CELF4: variants seen among roughly 807,000 people sequenced by gnomAD.
CELF4 encodes CUGBP Elav-like family member 4, also known as CUG-BP- and ETR-3-like factor 4.
Under a neutral mutation model 59.9 loss-of-function variants are expected in CELF4, and 18 were observed. The observed-to-expected ratio is 0.30, with a 90% CI of 0.21 to 0.45. The LOEUF (loss-of-function observed/expected upper bound fraction) is 0.45. Ranked by LOEUF, CELF4 falls within the 20% of genes least tolerant of loss-of-function variation. The probability of loss-of-function intolerance (pLI) is 1.00; values close to 1 mark genes in which losing one functional copy is unlikely to be tolerated. For missense variants in CELF4, 456 were observed against 689.0 expected, an observed-to-expected ratio of 0.66 and a Z score of 3.79; for synonymous variants, 261 against 267.1, an observed-to-expected ratio of 0.98 and a Z score of 0.22.
chr18:37,443,670 G>A (rs901240855), intron 2 of CELF4, among the ~76,000 whole-genome samples: 3 of 152,068 alleles, frequency 2.0e-5, no homozygotes, highest in Non-Finnish European at 4.4e-5. Flanking sequence ...ATCTTCATTG[G>A]TATGAAAGGG....
At chr18:37,458,990 C>T (rs1412582368) in intron 2 of CELF4, among the ~76,000 whole-genome samples, 1 of 152,222 alleles carries the variant, frequency 6.6e-6, no homozygotes, top group African/African-American at 2.4e-5. Flanking sequence ...GAGAGCTTGG[C>T]TCTGCTTGCA....
intron 3 of CELF4, among the ~76,000 whole-genome samples, chr18:37,309,039 A>G (rs2154483260): frequency 6.6e-6 from 1 of 152,164 alleles, no homozygotes; most frequent in African/African-American, 2.4e-5. Flanking sequence ...CCAGCCTCAG[A>G]CCCTCTCTGA....
At chr18:37,318,353 C>A (rs1267285922) in intron 3 of CELF4, among the ~76,000 whole-genome samples, 1 of 151,978 alleles carries the variant, frequency 6.6e-6, no homozygotes, top group Non-Finnish European at 1.5e-5. Context: ...TCTCCTCCTG[C>A]CCGCTGCCGT....
intron 2 of CELF4, among the ~76,000 whole-genome samples, chr18:37,453,906 C>T (rs960566787): frequency 6.6e-6 from 1 of 152,112 alleles, no homozygotes; most frequent in Non-Finnish European, 1.5e-5. Context: ...CCACAGGCAG[C>T]AGCTGGTTTT....
chr18:37,399,438 C>T lies in CELF4; in HGVS notation c.370-77557G>A, dbSNP rs572313350. On this transcript the variant is annotated intron_variant, in intron 2 of 12. Transcript: ENST00000420428. Reference sequence around the variant, plus strand: ...GCTCCATGCCCTTGGACTTCTCAGCCTCTCCACTGTAAGCCAAATAAGGCT... The same window carrying T: ...GCTCCATGCCCTTGGACTTCTCAGCTTCTCCACTGTAAGCCAAATAAGGCT... Among the ~76,000 whole-genome samples, 29 of 152,290 alleles carry T rather than the reference C, an allele frequency of 1.9e-4. No individual in the cohort carries two copies. In the South Asian group the frequency reaches 5.8e-3, roughly 31 times the overall value.
intron 7 of CELF4, among the ~76,000 whole-genome samples, chr18:37,271,231 C>T (rs1268450890): frequency 1.3e-5 from 2 of 151,658 alleles, no homozygotes; most frequent in African/African-American, 4.8e-5. Flanking sequence ...TTGACTGTAA[C>T]CACACTTGGT....
At chr18:37,526,773 C>G (rs34362479) in intron 1 of CELF4, among the ~76,000 whole-genome samples, 5,993 of 152,278 alleles carry the variant, frequency 0.039, 151 homozygotes, top group Middle Eastern at 0.14. Flanking sequence ...CTTCTGGGAA[C>G]TTCTTGGGAG....
At chr18:37,521,698 G>A (rs768336997) in intron 1 of CELF4, among the ~76,000 whole-genome samples, 17 of 152,202 alleles carry the variant, frequency 1.1e-4, no homozygotes, top group Non-Finnish European at 1.8e-4. Flanking sequence ...ATTTTCAGCA[G>A]AGGATCAGAG....
intron 2 of CELF4, among the ~76,000 whole-genome samples, chr18:37,468,897 GT>G (rs2099814944): frequency 1.3e-5 from 2 of 152,096 alleles, no homozygotes; most frequent in Non-Finnish European, 2.9e-5. Context: ...CTCCTACTAG[GT>G]CCCACTCTTG....
rs2154279363 is a variant in CELF4 at position 37,254,230 on chromosome 18, G to A, written c.1334-292C>T. Among the ~76,000 whole-genome samples, 2 of 151,154 alleles carry A rather than the reference G, an allele frequency of 1.3e-5. No individual in the cohort carries two copies. The highest frequency in any genetic ancestry group is 4.2e-4 in the South Asian group (2 of 4,816). On this transcript the variant is annotated intron_variant, in intron 11 of 12. Coordinates refer to ENST00000420428, the MANE Select transcript of CELF4 (RefSeq NM_020180.4). The surrounding 1 kb of genome is among the most constrained non-coding windows in gnomAD (Gnocchi z 5.1). ...TGGGGCCCGCGGCCGGGCGGCGCTG[G>A]GAGAGGCGCCCGCCCCCCACCCCCG...
chr18:37,563,056 G>T (rs1023263454), intron 1 of CELF4, among the ~76,000 whole-genome samples: 1 of 151,006 alleles, frequency 6.6e-6, no homozygotes, highest in African/African-American at 2.4e-5. Flanking sequence ...TTTATATATC[G>T]ATATCTATAT....
intron 2 of CELF4, among the ~76,000 whole-genome samples, chr18:37,392,198 C>A (rs1248802717): frequency 6.6e-6 from 1 of 152,174 alleles, no homozygotes; most frequent in Non-Finnish European, 1.5e-5. Context: ...TGGGGAAGAG[C>A]TGTGAGCTGG....
intron 2 of CELF4, among the ~76,000 whole-genome samples, chr18:37,414,134 C>A (rs2099501218): frequency 6.6e-6 from 1 of 152,152 alleles, no homozygotes. Flanking sequence ...CAAACACTTG[C>A]TCATTGACTG....
chr18:37,470,474 G>T (rs1454744082), intron 2 of CELF4, among the ~76,000 whole-genome samples: 1 of 152,164 alleles, frequency 6.6e-6, no homozygotes, highest in African/African-American at 2.4e-5. Flanking sequence ...ATTAGGGTAG[G>T]TTTACTTGGT....
At position 37,264,717 on chromosome 18, in the gene CELF4, G is replaced by T; in HGVS notation, c.1206C>A (p.Ala402=). The T allele has an allele frequency of 6.3e-7, 1 of 1,581,996 alleles. No individual in the cohort carries two copies. Among genetic ancestry groups the T allele is most frequent in the Non-Finnish European group, 8.6e-7 (1 of 1,163,262 alleles). The stretch of plus-strand genomic sequence containing the variant: ...GGATCATTGGAGGCGGCTGAGGAAA[G>T]GCCTGGCTTATCTGACCATAGGCAG... ...YPAAYGQISQ[A]FPQPPPMIPQ... The change falls in exon 10 of 13, where the codon GCC becomes GCA. Residue 402 remains alanine, a synonymous_variant. Transcript: ENST00000420428.
At chr18:37,455,722 C>T (rs1390800626) in intron 2 of CELF4, among the ~76,000 whole-genome samples, 46 of 152,188 alleles carry the variant, frequency 3.0e-4, no homozygotes, top group Non-Finnish European at 1.5e-5. Context: ...ACAAGGTCTA[C>T]AAGCTGGGTC....
intron 2 of CELF4, among the ~76,000 whole-genome samples, chr18:37,385,653 G>A (rs2099091438): frequency 6.6e-6 from 1 of 152,104 alleles, no homozygotes; most frequent in South Asian, 2.1e-4. Context: ...CCCTGCCTTG[G>A]GCATGGAGCC....
intron 1 of CELF4, among the ~76,000 whole-genome samples, chr18:37,487,699 G>A (rs1406352356): frequency 1.3e-5 from 2 of 152,204 alleles, no homozygotes; most frequent in Admixed American, 6.5e-5. Context: ...GCTGTACGCA[G>A]GCAAGCCAGC....
At chr18:37,400,770 T>C (rs1024999466) in intron 2 of CELF4, among the ~76,000 whole-genome samples, 3 of 152,234 alleles carry the variant, frequency 2.0e-5, no homozygotes, top group African/African-American at 7.2e-5. Flanking sequence ...TTTTGAGAAA[T>C]TTGACTGGTG....
Sources: gnomAD v4.1 joint callset for allele counts (sites outside exome capture counted in the v4.1 genomes callset) on GRCh38, gnomAD v4.1.1 for gene constraint, Gnocchi (gnomAD v3.1) non-coding constraint, MANE v1.5 for transcripts, NCBI Gene and HGNC (gene_info 2026-07-23, HGNC 2026-07-21) for gene names.